Variants in PRKCE observed in about 807,000 individuals in gnomAD.
PRKCE encodes the protein protein kinase C epsilon type.
A neutral mutation model predicts 85.4 loss-of-function variants in PRKCE; 16 were observed. The observed-to-expected ratio is 0.19, with a 90% CI of 0.13 to 0.28. PRKCE has a LOEUF of 0.28. Ranked by LOEUF, PRKCE falls within the 10% of genes least tolerant of loss-of-function variation. PRKCE has a pLI of 1.00. For synonymous variants in PRKCE, 388 were observed against 371.5 expected (o/e 1.04, Z -0.51); for missense variants, 573 against 975.2 (o/e 0.59, Z 5.49).
At chr2:46,097,779 A>T (rs1278721095) in intron 11 of PRKCE, among the ~76,000 whole-genome samples, 1 of 152,228 alleles carries the variant, frequency 6.6e-6, no homozygotes, top group African/African-American at 2.4e-5. Context: ...TTCAGGAGTC[A>T]TCACTTTTAT....
chr2:45,767,482 G>A (rs1262780111), intron 1 of PRKCE, among the ~76,000 whole-genome samples: 1 of 152,140 alleles, frequency 6.6e-6, no homozygotes, highest in Non-Finnish European at 1.5e-5. Context: ...GTAGAAAGAG[G>A]GTATGTAATC....
rs1021632424 is a variant in PRKCE at position 45,950,025 on chromosome 2, G to A, written c.413-26404G>A. ...TGAGAAACCTAGTAGGATTTAAGTT[G>A]AAAATGCATTAATTTTTGAATTACT... On this transcript the variant is annotated intron_variant, in intron 2 of 14. Coordinates refer to ENST00000306156, the MANE Select transcript of PRKCE (RefSeq NM_005400.3). Among the ~76,000 whole-genome samples, 11 of 152,068 alleles carry A rather than the reference G, an allele frequency of 7.2e-5. No individual in the cohort carries two copies. In the East Asian group the frequency reaches 2.1e-3, roughly 29 times the overall value.
chr2:45,703,529 C>A (rs1279416999), intron 1 of PRKCE, among the ~76,000 whole-genome samples: 1 of 146,546 alleles, frequency 6.8e-6, no homozygotes, highest in Non-Finnish European at 1.5e-5. Flanking sequence ...CAGAGTGAGA[C>A]CTTGTCTCTA....
At chr2:46,036,365 C>A (rs1443105626) in intron 10 of PRKCE, among the ~76,000 whole-genome samples, 1 of 152,026 alleles carries the variant, frequency 6.6e-6, no homozygotes, top group African/African-American at 2.4e-5. Context: ...TTGCATGAGG[C>A]CAGGAGTTCA....
intron 10 of PRKCE, among the ~76,000 whole-genome samples, chr2:46,085,271 G>A (rs1669484683): frequency 6.6e-6 from 1 of 152,164 alleles, no homozygotes; most frequent in African/African-American, 2.4e-5. Context: ...GGAAACCATA[G>A]GGGATCCTGG....
At chr2:45,804,466 G>A (rs1403577297) in intron 1 of PRKCE, among the ~76,000 whole-genome samples, 2 of 152,182 alleles carry the variant, frequency 1.3e-5, no homozygotes, top group Admixed American at 6.5e-5. Context: ...TGGCCTGGTT[G>A]AGCAAGGCAG....
chr2:45,980,463 A>T (rs1271167282), intron 5 of PRKCE, 82 bp downstream of exon 5: 1 of 1,311,260 alleles, frequency 7.6e-7, no homozygotes, highest in African/African-American at 1.5e-5. Flanking sequence ...TTCCCAAGAA[A>T]ACCTTCTCTG....
rs1033663775 is a variant in PRKCE, at chr2:45,724,037, A to G, written c.348+71589A>G. ...CCTCCACTTTTCACTTCCTGGCTTCAGACTCTGGGCAGTGTGCTGGCATCT... is the reference window on the plus strand; with the variant it reads ...CCTCCACTTTTCACTTCCTGGCTTCGGACTCTGGGCAGTGTGCTGGCATCT... On this transcript the variant is annotated intron_variant, in intron 1 of 14. Coordinates refer to ENST00000306156, the MANE Select transcript of PRKCE (RefSeq NM_005400.3). Among the ~76,000 whole-genome samples the G allele has an allele frequency of 5.9e-5, 9 of 152,176 alleles. 1 individual carries two copies. The highest frequency in any genetic ancestry group is 2.2e-4 in the African/African-American group (9 of 41,444).
chr2:45,828,105 C>T (rs1011688163), intron 1 of PRKCE, among the ~76,000 whole-genome samples: 1 of 152,160 alleles, frequency 6.6e-6, no homozygotes, highest in African/African-American at 2.4e-5. Flanking sequence ...ATGAAGTCTG[C>T]TGTTATGACA....
intron 6 of PRKCE, among the ~76,000 whole-genome samples, chr2:46,000,142 G>T (rs996470577): frequency 7.5e-4 from 113 of 150,040 alleles, no homozygotes; most frequent in East Asian, 3.9e-4. Flanking sequence ...GTTTTTTGGG[G>T]TTTTTTTGTT....
At chr2:45,950,541 A>G (rs1700549837) in intron 2 of PRKCE, among the ~76,000 whole-genome samples, 1 of 97,478 alleles carries the variant, frequency 1.0e-5, no homozygotes, top group African/African-American at 4.8e-5. Context: ...CTCTGGCTGG[A>G]TGAGGAGAAA....
At chr2:45,980,579 T>C (rs1702809169) in intron 5 of PRKCE, among the ~76,000 whole-genome samples, 198 bp downstream of exon 5, 1 of 152,216 alleles carries the variant, frequency 6.6e-6, no homozygotes, top group South Asian at 2.1e-4. Flanking sequence ...TCCAAGTCAG[T>C]TCTATCCCCT....
intron 2 of PRKCE, among the ~76,000 whole-genome samples, chr2:45,973,564 A>T (rs72874378): frequency 6.6e-5 from 10 of 152,370 alleles, no homozygotes; most frequent in African/African-American, 1.9e-4. Context: ...ACTCTGACTT[A>T]CAGGAGTTAT....
chr2:45,805,596 C>CTTTTT (rs529307964), intron 1 of PRKCE, among the ~76,000 whole-genome samples: 1 of 142,606 alleles, frequency 7.0e-6, no homozygotes, highest in African/African-American at 2.6e-5. Context: ...TTACCTTCCT[C>CTTTTT]TTTTTTTTTT....
At chr2:45,834,254 A>G (rs1690666661) in intron 1 of PRKCE, among the ~76,000 whole-genome samples, 2 of 152,184 alleles carry the variant, frequency 1.3e-5, no homozygotes, top group South Asian at 4.1e-4. Context: ...ACGGGTGATG[A>G]GAATGCAGTG....
intron 2 of PRKCE, among the ~76,000 whole-genome samples, chr2:45,906,066 A>T (rs1696950330): frequency 6.6e-6 from 1 of 152,244 alleles, no homozygotes; most frequent in Admixed American, 6.5e-5. Context: ...AACATGAATT[A>T]TCCTAACTTG....
At position 45,705,180 on chromosome 2, in the gene PRKCE, A is replaced by T. The variant is rs191407215; in HGVS notation, c.348+52732A>T. On this transcript the variant is annotated intron_variant, in intron 1 of 14. Transcript: ENST00000306156. Reference sequence around the variant, plus strand: ...GGCATGTCTTTTACCACCATATTTCATGCATACATGTGCCCAGTTCTGTGG... The same window carrying T: ...GGCATGTCTTTTACCACCATATTTCTTGCATACATGTGCCCAGTTCTGTGG... 5.3e-3 allele frequency among the ~76,000 whole-genome samples: 808 copies of T among 152,328 alleles called. 3 individuals carry two copies. Among genetic ancestry groups the T allele is most frequent in the Non-Finnish European group, 8.5e-3 (576 of 68,036 alleles).
chr2:46,007,011 T>C (rs1705264650), intron 8 of PRKCE, among the ~76,000 whole-genome samples: 2 of 152,242 alleles, frequency 1.3e-5, no homozygotes, highest in Non-Finnish European at 2.9e-5. Context: ...GGCTCAGTTG[T>C]TGAAATAATT....
intron 2 of PRKCE, among the ~76,000 whole-genome samples, chr2:45,955,797 TA>T (rs142595590): frequency 0.19 from 27,797 of 149,724 alleles, 2,896 homozygotes; most frequent in African/African-American, 0.28. Flanking sequence ...TCCCTCTATT[TA>T]AAAAAAAAAC....
Sources: allele counts gnomAD v4.1 joint callset (sites outside exome capture counted in the v4.1 genomes callset), GRCh38; gene constraint gnomAD v4.1.1; transcripts MANE v1.5; gene names NCBI Gene and HGNC (gene_info 2026-07-23, HGNC 2026-07-21).